ZNF3: variants seen among roughly 807,000 people sequenced by gnomAD.
The protein encoded by ZNF3 is C2-H2 type zinc finger protein.
In ZNF3, 16 loss-of-function variants were observed where a neutral mutation model predicts 36.9. That is an observed-to-expected ratio of 0.43 (90% CI 0.29 to 0.66). ZNF3 has a LOEUF of 0.66. Ranked by LOEUF, ZNF3 falls within the 30% of genes least tolerant of loss-of-function variation. The pLI, the probability that ZNF3 is intolerant of heterozygous loss-of-function variation, is 0.13. For synonymous variants in ZNF3, 201 were observed against 201.9 expected (o/e 1.00, Z 0.04); for missense variants, 462 against 543.1 (o/e 0.85, Z 1.48).
chr7:100,068,553 A>G (rs144261617), downstream of ZNF3, among the ~76,000 whole-genome samples: 1,187 of 151,496 alleles, frequency 7.8e-3, 15 homozygotes, highest in African/African-American at 0.027. Flanking sequence ...GGCGCCTGTA[A>G]TCTCAGATAC....
chr7:100,078,874 C>G (rs1179633894), intron 2 of ZNF3: 1 of 151,988 alleles, frequency 6.6e-6, no homozygotes, highest in Non-Finnish European at 1.5e-5. Flanking sequence ...GACTGTTACA[C>G]TCACATAAGG....
intron 3 of ZNF3, 74 bp downstream of exon 3, chr7:100,077,229 C>T (rs1316623862): frequency 6.3e-7 from 1 of 1,585,004 alleles, no homozygotes; most frequent in East Asian, 2.2e-5. Context: ...AGCCTAGTAC[C>T]TGGTAAGTGA....
downstream of ZNF3, among the ~76,000 whole-genome samples, chr7:100,069,820 T>C (rs1416832708): frequency 2.6e-5 from 4 of 152,050 alleles, no homozygotes. Flanking sequence ...TCCATGTTGG[T>C]CAGGCTGGTC....
chr7:100,071,025 T>C lies in ZNF3; in HGVS notation c.*118A>G, dbSNP rs1793043621. ...TCAACGATTTGCCCCATCTGCCCCA[T>C]TCTCTAAAATGAAAAGTCTGAGTTG... On this transcript the variant is annotated 3_prime_UTR_variant, in exon 6 of 6. Transcript: ENST00000299667. The C allele has an allele frequency of 6.7e-7, 1 of 1,493,524 alleles. No homozygotes were observed. The highest frequency in any genetic ancestry group is 2.6e-4 in the Middle Eastern group (1 of 3,908). 92.5% of individuals were successfully genotyped at this position (1,493,524 alleles called of 1,614,324 possible).
intron 1 of ZNF3, among the ~76,000 whole-genome samples, chr7:100,080,079 A>G (rs924018857): frequency 2.0e-5 from 3 of 152,178 alleles, no homozygotes; most frequent in Admixed American, 1.3e-4. Flanking sequence ...ATAAATACCA[A>G]TTAAGACCAC....
rs771576842 is a variant in ZNF3, at chr7:100,071,962, A to G, written c.522T>C (p.Tyr174=). 9.9e-6 allele frequency: 16 copies of G among 1,614,046 alleles called. No individual in the cohort carries two copies. Among genetic ancestry groups the G allele is most frequent in the African/African-American group, 2.7e-5 (2 of 74,936 alleles). Residue 174 remains tyrosine, a synonymous_variant, in exon 6 of 6, where the codon TAT becomes TAC. Transcript: ENST00000299667. ...LTPRGERSEK[Y]NDFGNSFTVN... ...CAGTGAAGCTGTTCCCAAAATCATT[A>G]TATTTCTCGCTTCTCTCTCCCCTGG...
At position 100,064,797 on chromosome 7, in the gene ZNF3, GT is replaced by G. The variant is rs777843966; in HGVS notation, c.386del (p.Asp129AlafsTer22). Reference sequence around the variant, plus strand: ...GGCAGGCAGGAGGTCCTCAGAAGGTGTCAGGAGGTTCCACACTCGCCAGTTC... The same window carrying G: ...GGCAGGCAGGAGGTCCTCAGAAGGTGCAGGAGGTTCCACACTCGCCAGTTC... On this transcript the variant is annotated frameshift_variant, in exon 6 of 6. Coordinates refer to the ZNF3 transcript ENST00000413658. LOFTEE classifies it high-confidence loss of function. The G allele has an allele frequency of 1.6e-5, 26 of 1,614,072 alleles. 1 individual carries two copies. The Middle Eastern group carries it at 4.9e-4, about 31-fold the overall frequency.
exon 6 of ZNF3, chr7:100,064,065 A>C (rs1792496120): frequency 1.2e-6 from 2 of 1,614,052 alleles, no homozygotes; most frequent in Non-Finnish European, 1.7e-6. Flanking sequence ...GTAATAGCTC[A>C]AATCTCACCA....
In ZNF3 at chr7:100,071,119, G is replaced by A. The variant is rs372236158; in HGVS notation, c.*24C>T. On this transcript the variant is annotated 3_prime_UTR_variant, in exon 6 of 6. Coordinates refer to ENST00000299667, the MANE Select transcript of ZNF3 (RefSeq NM_032924.5). ...AGAGCTCTTGAGACTCAGGGAAAGTGAGGAAAATGGGTGTGTGGCTCTTTC... is the reference window on the plus strand; with the variant it reads ...AGAGCTCTTGAGACTCAGGGAAAGTAAGGAAAATGGGTGTGTGGCTCTTTC... 6.4e-6 allele frequency: 10 copies of A among 1,550,412 alleles called. No homozygotes were observed. The African/African-American group carries it at 1.4e-4, about 21-fold the overall frequency.
chr7:100,079,832 G>C (rs1794715792), intron 1 of ZNF3, among the ~76,000 whole-genome samples, 176 bp from the exon 2 acceptor site: 1 of 151,928 alleles, frequency 6.6e-6, no homozygotes, highest in Admixed American at 6.6e-5. Flanking sequence ...CAAGGAGCTG[G>C]GACTAAAGGT....
exon 6 of ZNF3, chr7:100,064,557 T>G: frequency 6.2e-7 from 1 of 1,614,176 alleles, no homozygotes; most frequent in Non-Finnish European, 8.5e-7. Context: ...AGACCTTCTG[T>G]AGCAAGTCCA....
In ZNF3 at chr7:100,081,111, GA is replaced by G. The variant is rs1212662297; in HGVS notation, c.-198+523del. Among the ~76,000 whole-genome samples, 3 of 152,144 alleles carry G rather than the reference GA, an allele frequency of 2.0e-5. No homozygotes were observed. Among genetic ancestry groups the G allele is most frequent in the African/African-American group, 7.2e-5 (3 of 41,436 alleles). ...GGAGCCTGAGCCAGGTGTATCACGC[GA>G]TGCACTGGGCTCCAGCAGGATTACC... On this transcript the variant is annotated intron_variant, in intron 1 of 5. Transcript: ENST00000299667. This position sits in a 1 kb window ranked among gnomAD's most constrained non-coding sequence, Gnocchi z 4.3.
In ZNF3 at chr7:100,071,184, G is replaced by A. The variant is rs190224069; in HGVS notation, c.1300C>T (p.Leu434Phe). ...LNGIGMSKSS[L>F]RVTTELNIRE... is the part of the protein sequence containing the mutation. ...ATATTTAACTCGGTCGTAACTCTGA[G>A]GGAGCTTTTGCTCATGCCGATCCCA... The change falls in exon 6 of 6, where the codon CTC (leucine) becomes TTC (phenylalanine). Residue 434 changes from leucine (L) to phenylalanine (F), a missense_variant. Physicochemically the swap from Leu to Phe is conservative, Grantham distance 22 (BLOSUM62 0). Transcript: ENST00000299667. 11 of 1,609,496 alleles carry A rather than the reference G, an allele frequency of 6.8e-6. No individual in the cohort carries two copies. The Admixed American group carries it at 1.2e-4, about 17-fold the overall frequency.
At chr7:100,072,989 T>C (rs1316209515) in intron 5 of ZNF3, among the ~76,000 whole-genome samples, 1 of 152,212 alleles carries the variant, frequency 6.6e-6, no homozygotes, top group African/African-American at 2.4e-5. Context: ...GGAACGGCTG[T>C]TTCTCCTTCA....
Position 100,075,127 on chromosome 7 carries a change from C to T in ZNF3, c.271+8G>A, listed in dbSNP as rs763177324. The T allele has an allele frequency of 6.3e-7, 1 of 1,599,188 alleles. No homozygotes were observed. On this transcript the variant is annotated splice_region_variant and intron_variant, in intron 5 of 5. Coordinates refer to ENST00000299667, the MANE Select transcript of ZNF3 (RefSeq NM_032924.5). ...AGCGAGTTTTGTTGACAAGGCATAA[C>T]TCCTTACCCAGTGAGAACACATTCC...
At chr7:100,066,761 G>A (rs949635427), downstream of ZNF3, among the ~76,000 whole-genome samples, 1 of 151,922 alleles carries the variant, frequency 6.6e-6, no homozygotes, top group African/African-American at 2.4e-5. Flanking sequence ...TAGGCCGGGT[G>A]TGGTGGCTCA....
In ZNF3 at chr7:100,070,470, G is replaced by T; in HGVS notation, c.*673C>A. 1 of 985,606 alleles carries T rather than the reference G, an allele frequency of 1.0e-6. No homozygotes were observed. Among genetic ancestry groups the T allele is most frequent in the Non-Finnish European group, 1.2e-6 (1 of 830,118 alleles). 61.1% of individuals were successfully genotyped at this position (985,606 alleles called of 1,614,324 possible). A position where few individuals can be genotyped will look rare whatever the true frequency, so the allele number is the denominator to read the frequency against. ...CTGTTTGGACAGATTTGCCCATTCA[G>T]CCCCAGGACAACTGGGGGGGATGGC... On this transcript the variant is annotated 3_prime_UTR_variant, in exon 6 of 6. Transcript: ENST00000299667.
In ZNF3 at chr7:100,081,131, G is replaced by T. The variant is rs1295321161; in HGVS notation, c.-198+504C>A. Among the ~76,000 whole-genome samples the T allele has an allele frequency of 6.6e-6, 1 of 152,150 alleles. No homozygotes were observed. The highest frequency in any genetic ancestry group is 1.5e-5 in the Non-Finnish European group (1 of 68,022). On this transcript the variant is annotated intron_variant, in intron 1 of 5. Transcript: ENST00000299667. The surrounding 1 kb of genome is among the most constrained non-coding windows in gnomAD (Gnocchi z 4.3). ...CACGCGATGCACTGGGCTCCAGCAGGATTACCCCTGGAATCGGCGTCTGCA... is the reference window on the plus strand; with the variant it reads ...CACGCGATGCACTGGGCTCCAGCAGTATTACCCCTGGAATCGGCGTCTGCA...
rs1793119378 is a variant in ZNF3 at position 100,071,381 on chromosome 7, T to A, written c.1103A>T (p.Tyr368Phe). The A allele has an allele frequency of 1.2e-6, 2 of 1,614,118 alleles. No homozygotes were observed. Among genetic ancestry groups the A allele is most frequent in the Non-Finnish European group, 1.7e-6 (2 of 1,180,016 alleles). Residue 368 changes from tyrosine (Y) to phenylalanine (F), a missense_variant, in exon 6 of 6, where the codon TAC becomes TTC. Coordinates refer to ENST00000299667, the MANE Select transcript of ZNF3 (RefSeq NM_032924.5). ...HQRIHTGEKP[Y>F]ECMECGGKFT... ...CTTTCCTCCACATTCCATACATTCG[T>A]AGGGCTTCTCTCCAGTGTGGATTCT...
Sources: gnomAD v4.1 joint callset for allele counts (sites outside exome capture counted in the v4.1 genomes callset) on GRCh38, gnomAD v4.1.1 for gene constraint, Gnocchi (gnomAD v3.1) non-coding constraint, MANE v1.5 for transcripts, NCBI Gene and HGNC (gene_info 2026-07-23, HGNC 2026-07-21) for gene names.